FAN1: variants seen among roughly 807,000 people sequenced by gnomAD.
The protein encoded by FAN1 is fanconi-associated nuclease 1.
In FAN1, 91 loss-of-function variants were observed where a neutral mutation model predicts 104.9. The ratio of observed to expected loss-of-function variants is 0.87; its 90% CI spans 0.73 to 1.03. The LOEUF (loss-of-function observed/expected upper bound fraction) is 1.03, where lower values mean the gene tolerates loss of function less well. Among genes scored for constraint, FAN1 ranks in the 50% least tolerant of loss-of-function variants. The pLI is 0.00. For missense variants in FAN1, 1,263 were observed against 1,239.9 expected (o/e 1.02, Z -0.28); for synonymous variants, 478 against 457.6 (o/e 1.04, Z -0.57).
intron 2 of FAN1, 109 bp from the exon 3 acceptor site, chr15:30,908,009 C>T (rs927392611): frequency 1.3e-6 from 1 of 785,736 alleles, no homozygotes; most frequent in Non-Finnish European, 1.9e-6. Flanking sequence ...AAAATGAAGG[C>T]CTTATACATA....
Position 30,905,514 on chromosome 15 carries a change from T to C in FAN1, c.851T>C (p.Val284Ala). The change falls in exon 2 of 15, where the codon GTA becomes GCA. Residue 284 changes from valine to alanine, a missense_variant. Coordinates refer to ENST00000362065, the MANE Select transcript of FAN1 (RefSeq NM_014967.5). ...AAGTCTACTTCAGAAGACAGTCTTG[T>C]AAAGCAAGAGTGTATCAAAGAAGTG... ...TLKSTSEDSL[V>A]KQECIKEVVE... is the part of the protein sequence containing the mutation. 1 of 1,614,064 alleles carries C rather than the reference T, an allele frequency of 6.2e-7. No homozygotes were observed. Among genetic ancestry groups the C allele is most frequent in the South Asian group, 1.1e-5 (1 of 91,082 alleles).
At chr15:30,941,418 C>T in intron 14 of FAN1, 148 bp from the exon 15 acceptor site, 1 of 1,564,560 alleles carries the variant, frequency 6.4e-7, no homozygotes. Flanking sequence ...AATGTTAATT[C>T]AGAGGAAAAA....
chr15:30,904,919 A>G lies in FAN1; in HGVS notation c.256A>G (p.Met86Val), dbSNP rs139988104. The G allele has an allele frequency of 1.2e-5, 19 of 1,614,080 alleles. No homozygotes were observed. Among genetic ancestry groups the G allele is most frequent in the Middle Eastern group, 1.6e-4 (1 of 6,062 alleles). ...QVGLINSNVSMVDLTSVTLED... is the reference protein window; with the variant it reads ...QVGLINSNVSVVDLTSVTLED... ...TGGCTTAATAAATTCAAATGTGTCT[A>G]TGGTAGATTTAACCAGTGTTACCTT... Residue 86 changes from methionine (M) to valine (V), a missense_variant, in exon 2 of 15, where the codon ATG becomes GTG. Physicochemically the swap from Met to Val is conservative, Grantham distance 21. This residue lies in a region of FAN1 where 682 missense variants were observed against 571.1 expected (regional missense o/e 1.19). Coordinates refer to ENST00000362065, the MANE Select transcript of FAN1 (RefSeq NM_014967.5).
chr15:30,932,656 C>CA (rs1316714206), intron 13 of FAN1, among the ~76,000 whole-genome samples: 1 of 151,572 alleles, frequency 6.6e-6, no homozygotes. Context: ...TTGTGTCTTT[C>CA]AAGGAATTTG....
rs746837494 is a variant in FAN1 at position 30,905,034 on chromosome 15, A to AGATC, written c.372_375dup (p.Ser126AspfsTer6). On this transcript the variant is annotated frameshift_variant, in exon 2 of 15. Coordinates refer to ENST00000362065, the MANE Select transcript of FAN1 (RefSeq NM_014967.5). LOFTEE classifies it high-confidence loss of function. The stretch of plus-strand genomic sequence containing the variant: ...TCAGCAAAAAGGGAAGTAAAGCAGA[A>AGATC]GATCAGTCCCTACTTTAAAAGTAAT... 8 of 1,614,078 alleles carry AGATC rather than the reference A, an allele frequency of 5.0e-6. No individual in the cohort carries two copies. Among genetic ancestry groups the AGATC allele is most frequent in the Non-Finnish European group, 6.8e-6 (8 of 1,180,036 alleles).
Position 30,929,705 on chromosome 15 carries a change from TATC to T in FAN1, c.2787+311_2787+313del, listed in dbSNP as rs1245961376. Among the ~76,000 whole-genome samples, 3 of 103,212 alleles carry T rather than the reference TATC, an allele frequency of 2.9e-5. 1 individual carries two copies. The highest frequency in any genetic ancestry group is 5.2e-5 in the Non-Finnish European group (3 of 57,470). The allele number at this position is 103,212 out of a possible 152,430, so 67.7% of individuals were successfully genotyped here. On this transcript the variant is annotated intron_variant, in intron 12 of 14. Transcript: ENST00000362065. ...TATAATATATATAAAATATATATTA[TATC>T]ATATATAATATATATAAAATATATA...
chr15:30,914,199 A>G, intron 5 of FAN1, 108 bp downstream of exon 5: 1 of 765,266 alleles, frequency 1.3e-6, no homozygotes, highest in African/African-American at 1.7e-5. Context: ...TCCACAGCCA[A>G]AACAGTTTTT....
intron 6 of FAN1, 44 bp from the exon 7 acceptor site, chr15:30,920,483 TATTATTGTCTTATAATAA>T: frequency 1.9e-6 from 2 of 1,041,270 alleles, no homozygotes; most frequent in Non-Finnish European, 3.0e-6. Flanking sequence ...TGTCACTTGT[TATTATTGTCTTATAATAA>T]ATTAACCAAA....
intron 9 of FAN1, among the ~76,000 whole-genome samples, 166 bp from the exon 10 acceptor site, chr15:30,925,623 G>C (rs535448995): frequency 6.6e-6 from 1 of 152,240 alleles, no homozygotes; most frequent in Non-Finnish European, 1.5e-5. Flanking sequence ...CCGGACCAGC[G>C]AACTGTCACA....
intron 3 of FAN1, 76 bp downstream of exon 3, chr15:30,908,334 T>A: frequency 3.1e-6 from 4 of 1,276,766 alleles, no homozygotes; most frequent in Non-Finnish European, 3.2e-6. Context: ...ATGGCAGTAT[T>A]ATTATGGTGC....
In FAN1 at chr15:30,939,692, A is replaced by G. The variant is rs143270851; in HGVS notation, c.*4-1874A>G. Reference sequence around the variant, plus strand: ...TGAAGGAAGAAAATTACAGAGGGAAAAATGCTCAATCCAAAACATTTAGTA... The same window carrying G: ...TGAAGGAAGAAAATTACAGAGGGAAGAATGCTCAATCCAAAACATTTAGTA... On this transcript the variant is annotated intron_variant, in intron 14 of 14. Transcript: ENST00000362065. 1.1e-3 allele frequency: 1,031 copies of G among 965,728 alleles called. 12 individuals are homozygous for G. The African/African-American group carries it at 0.017, about 16-fold the overall frequency. The allele number at this position is 965,728 out of a possible 1,614,324, so 59.8% of individuals were successfully genotyped here. A position where few individuals can be genotyped will look rare whatever the true frequency, so the allele number is the denominator to read the frequency against.
intron 5 of FAN1, among the ~76,000 whole-genome samples, chr15:30,916,097 T>C (rs530579181): frequency 3.4e-4 from 52 of 152,344 alleles, no homozygotes; most frequent in South Asian, 8.3e-4. Context: ...TTGTGTTCAA[T>C]GGGAATAACT....
At chr15:30,916,623 C>A (rs1163813709) in intron 5 of FAN1, among the ~76,000 whole-genome samples, 1 of 152,146 alleles carries the variant, frequency 6.6e-6, no homozygotes, top group African/African-American at 2.4e-5. Context: ...TAATGTGATA[C>A]CTGGCCAGGA....
chr15:30,929,200 C>T lies in FAN1; in HGVS notation c.2593-3C>T. 6.2e-7 allele frequency: 1 copy of T among 1,610,388 alleles called. No homozygotes were observed. Among genetic ancestry groups the T allele is most frequent in the Non-Finnish European group, 8.5e-7 (1 of 1,178,662 alleles). On this transcript the variant is annotated splice_region_variant and splice_polypyrimidine_tract_variant and intron_variant, in intron 11 of 14. Transcript: ENST00000362065. Reference sequence around the variant, plus strand: ...ATGACAGCTTGCTTTCCCTGTGACACAGGCATTCCCCCTGGACTTGTGCAC... The same window carrying T: ...ATGACAGCTTGCTTTCCCTGTGACATAGGCATTCCCCCTGGACTTGTGCAC...
chr15:30,929,112 G>A (rs887859252), intron 11 of FAN1, 91 bp from the exon 12 acceptor site: 17 of 1,095,616 alleles, frequency 1.6e-5, no homozygotes, highest in African/African-American at 1.2e-4. Flanking sequence ...TCGGTTGGCC[G>A]GTTTCCAAGT....
intron 10 of FAN1, chr15:30,926,695 T>C: frequency 3.0e-6 from 3 of 985,292 alleles, no homozygotes; most frequent in Non-Finnish European, 3.6e-6. Context: ...AATAGAAGAA[T>C]AGAATGCACA....
At chr15:30,924,556 T>A (rs767207018) in intron 8 of FAN1, among the ~76,000 whole-genome samples, 16 of 152,240 alleles carry the variant, frequency 1.1e-4, no homozygotes, top group Non-Finnish European at 2.2e-4. Flanking sequence ...TGTGGCTTTC[T>A]GTGTTTGTTT....
intron 13 of FAN1, among the ~76,000 whole-genome samples, chr15:30,932,708 TTTC>T (rs761034712): frequency 0.014 from 1,611 of 113,852 alleles, 27 homozygotes; most frequent in Non-Finnish European, 0.016. Context: ...TTTATATTTG[TTTC>T]TTTTCTTTTT....
At chr15:30,937,397 A>C in intron 14 of FAN1, 138 bp downstream of exon 14, 1 of 778,720 alleles carries the variant, frequency 1.3e-6, no homozygotes, top group East Asian at 2.7e-5. Flanking sequence ...CATATCACAA[A>C]ACAGTGTTTG....
Sources: allele counts gnomAD v4.1 joint callset (sites outside exome capture counted in the v4.1 genomes callset), GRCh38; gene constraint gnomAD v4.1.1; regional missense constraint gnomAD v4.1.1; transcripts MANE v1.5; gene names NCBI Gene and HGNC (gene_info 2026-07-23, HGNC 2026-07-21).